BBX: variants seen among roughly 807,000 people sequenced by gnomAD.
The protein encoded by BBX is BBX high mobility group box domain containing.
In BBX, 30 loss-of-function variants were observed where a neutral mutation model predicts 100.2. That is an observed-to-expected ratio of 0.30 (90% CI 0.22 to 0.41). The LOEUF (loss-of-function observed/expected upper bound fraction) is 0.41, where lower values mean the gene tolerates loss of function less well. Among genes scored for constraint, BBX ranks in the 10% least tolerant of loss-of-function variants. The pLI is 1.00. For missense variants in BBX, 1,023 were observed against 1,129.8 expected (o/e 0.91, Z 1.35); for synonymous variants, 376 against 388.1 (o/e 0.97, Z 0.37).
At chr3:107,655,703 TA>T (rs2058095021) in intron 3 of BBX, among the ~76,000 whole-genome samples, 1 of 150,262 alleles carries the variant, frequency 6.7e-6, no homozygotes, top group African/African-American at 2.5e-5. Flanking sequence ...AAATTTATTT[TA>T]TTTTTTTTTT....
chr3:107,649,712 T>C (rs971103173), intron 3 of BBX, among the ~76,000 whole-genome samples: 1 of 152,204 alleles, frequency 6.6e-6, no homozygotes, highest in Non-Finnish European at 1.5e-5. Flanking sequence ...CCTGAATGCA[T>C]AAGAACTTAG....
chr3:107,785,827 G>C, intron 13 of BBX, among the ~76,000 whole-genome samples: 1 of 151,974 alleles, frequency 6.6e-6, no homozygotes, highest in Non-Finnish European at 1.5e-5. Context: ...GTTCTAGCCA[G>C]GGCAATTAGG....
At chr3:107,791,764 A>T (rs1273131593) in intron 15 of BBX, among the ~76,000 whole-genome samples, 1 of 152,290 alleles carries the variant, frequency 6.6e-6, no homozygotes, top group Non-Finnish European at 1.5e-5. Context: ...GTACCTCGGG[A>T]GGCCAAGGCG....
intron 2 of BBX, among the ~76,000 whole-genome samples, chr3:107,638,770 A>G (rs2057002363): frequency 8.2e-6 from 1 of 122,022 alleles, no homozygotes. Context: ...AAAAAAAAAA[A>G]AAAAAAGTAT....
chr3:107,592,075 A>G (rs2107593861), intron 2 of BBX, among the ~76,000 whole-genome samples: 1 of 151,486 alleles, frequency 6.6e-6, no homozygotes, highest in South Asian at 2.1e-4. Context: ...TTAGAGATTA[A>G]CCCCATCAAG....
intron 2 of BBX, among the ~76,000 whole-genome samples, chr3:107,586,837 G>A (rs946047513): frequency 1.3e-5 from 2 of 151,354 alleles, no homozygotes; most frequent in Admixed American, 6.6e-5. Flanking sequence ...TGCAACCTCC[G>A]CCTCCGAGGT....
At chr3:107,737,322 G>T (rs2063706220) in intron 7 of BBX, among the ~76,000 whole-genome samples, 1 of 152,020 alleles carries the variant, frequency 6.6e-6, no homozygotes, top group African/African-American at 2.4e-5. Context: ...GAGAGAGAGA[G>T]AGAGAGAGAG....
chr3:107,747,492 G>T (rs1222328857), intron 8 of BBX, among the ~76,000 whole-genome samples: 1 of 152,056 alleles, frequency 6.6e-6, no homozygotes, highest in Non-Finnish European at 1.5e-5. Flanking sequence ...GCAGAGCTGA[G>T]ATTCAGTCTC....
chr3:107,750,959 T>C (rs761779425), intron 9 of BBX, among the ~76,000 whole-genome samples: 2 of 152,208 alleles, frequency 1.3e-5, no homozygotes, highest in Non-Finnish European at 2.9e-5. Flanking sequence ...TACACACAGA[T>C]TGCTGGGCCC....
At chr3:107,594,397 C>G (rs1319643200) in intron 2 of BBX, among the ~76,000 whole-genome samples, 2 of 152,108 alleles carry the variant, frequency 1.3e-5, no homozygotes, top group Non-Finnish European at 2.9e-5. Flanking sequence ...GTCTCATCAC[C>G]ACTGGGGTGC....
chr3:107,714,384 C>G (rs1053884127), intron 4 of BBX, among the ~76,000 whole-genome samples: 3 of 151,760 alleles, frequency 2.0e-5, no homozygotes, highest in South Asian at 2.1e-4. Flanking sequence ...GCAGTCAGCA[C>G]ACTGCTTTTA....
At chr3:107,671,988 A>C (rs903886589) in intron 3 of BBX, among the ~76,000 whole-genome samples, 3 of 152,112 alleles carry the variant, frequency 2.0e-5, no homozygotes, top group African/African-American at 7.2e-5. Flanking sequence ...CCTAAACACC[A>C]AATTTTAATC....
At chr3:107,561,457 G>A (rs1398894293) in intron 2 of BBX, among the ~76,000 whole-genome samples, 1 of 152,152 alleles carries the variant, frequency 6.6e-6, no homozygotes, top group Non-Finnish European at 1.5e-5. Flanking sequence ...AAATGTTTTT[G>A]TAATAGGGAA....
intron 2 of BBX, among the ~76,000 whole-genome samples, chr3:107,539,414 G>A (rs1173519974): frequency 6.6e-6 from 1 of 152,116 alleles, no homozygotes; most frequent in African/African-American, 2.4e-5. Flanking sequence ...GGAAAATTGG[G>A]ATGGAATTGA....
intron 2 of BBX, among the ~76,000 whole-genome samples, chr3:107,592,576 C>T (rs780523921): frequency 4.0e-5 from 6 of 151,590 alleles, no homozygotes; most frequent in Non-Finnish European, 8.8e-5. Context: ...TGCATAGAAC[C>T]TAAAGTTTAA....
intron 9 of BBX, among the ~76,000 whole-genome samples, chr3:107,753,380 TA>T (rs2065223559): frequency 6.6e-6 from 1 of 152,126 alleles, no homozygotes. Flanking sequence ...GTTGGGCCAC[TA>T]AAATATGTTG....
intron 3 of BBX, among the ~76,000 whole-genome samples, chr3:107,647,651 T>A (rs16853728): frequency 0.11 from 16,111 of 152,232 alleles, 1,169 homozygotes; most frequent in African/African-American, 0.2. Flanking sequence ...TAGAAGATGT[T>A]ACTTGGCAAA....
Position 107,805,437 on chromosome 3 carries a change from A to T in BBX, c.2806A>T (p.Ile936Phe). 1 of 1,614,100 alleles carries T rather than the reference A, an allele frequency of 6.2e-7. No homozygotes were observed. Among genetic ancestry groups the T allele is most frequent in the African/African-American group, 1.3e-5 (1 of 75,034 alleles). Residue 936 changes from isoleucine (I) to phenylalanine (F), a missense_variant, in exon 18 of 18, where the codon ATT becomes TTT. This residue lies in a region of BBX where 104 missense variants were observed against 132.2 expected (regional missense o/e 0.79). Coordinates refer to ENST00000325805, the MANE Select transcript of BBX (RefSeq NM_001142568.3). The part of the protein sequence containing the change: ...PKEMPQAPVL[I>F]SCADQ ...AGAAATGCCGCAGGCTCCTGTACTT[A>T]TTTCCTGCGCTGACCAGTGAAGCGC... is the stretch of plus-strand genomic sequence containing the variant.
intron 2 of BBX, among the ~76,000 whole-genome samples, chr3:107,576,119 G>A (rs1403899144): frequency 6.6e-6 from 1 of 152,122 alleles, no homozygotes; most frequent in Non-Finnish European, 1.5e-5. Context: ...AAAATGTGAA[G>A]ACACCAAATG....
Sources: gnomAD v4.1 joint callset for allele counts (sites outside exome capture counted in the v4.1 genomes callset) on GRCh38, gnomAD v4.1.1 for gene constraint, gnomAD v4.1.1 regional missense constraint, MANE v1.5 for transcripts, NCBI Gene and HGNC (gene_info 2026-07-23, HGNC 2026-07-21) for gene names.